ATP8A2: variants seen among roughly 807,000 people sequenced by gnomAD.
ATP8A2 encodes the protein phospholipid-transporting ATPase IB.
Under a neutral mutation model 165.6 loss-of-function variants are expected in ATP8A2, and 100 were observed. The ratio of observed to expected loss-of-function variants is 0.60; its 90% CI spans 0.51 to 0.71. The LOEUF is 0.71. Among genes scored for constraint, ATP8A2 ranks in the 30% least tolerant of loss-of-function variants. ATP8A2 has a pLI of 0.00. For synonymous variants in ATP8A2, 543 were observed against 548.8 expected (o/e 0.99, Z 0.15); for missense variants, 1,227 against 1,479.5 (o/e 0.83, Z 2.80).
intron 35 of ATP8A2, among the ~76,000 whole-genome samples, chr13:25,975,361 C>T (rs1410040284): frequency 6.6e-6 from 1 of 151,976 alleles, no homozygotes; most frequent in East Asian, 1.9e-4. Flanking sequence ...GTCACGAGGT[C>T]AGGAGATGGA....
intron 1 of ATP8A2, among the ~76,000 whole-genome samples, chr13:25,430,331 A>G (rs1177092884): frequency 6.6e-6 from 1 of 152,178 alleles, no homozygotes; most frequent in Non-Finnish European, 1.5e-5. Flanking sequence ...GGCAGGAAGG[A>G]AACAACCACA....
intron 27 of ATP8A2, among the ~76,000 whole-genome samples, chr13:25,800,463 T>C (rs1057184560): frequency 2.6e-5 from 4 of 152,184 alleles, no homozygotes; most frequent in Non-Finnish European, 5.9e-5. Context: ...GGCCCAGATA[T>C]CTAAAATAAG....
Position 25,480,499 on chromosome 13 carries a change from G to A in ATP8A2, c.221+11378G>A, listed in dbSNP as rs1409245575. Among the ~76,000 whole-genome samples the A allele has an allele frequency of 3.2e-3, 467 of 146,174 alleles. 2 individuals are homozygous for A. Among genetic ancestry groups the A allele is most frequent in the African/African-American group, 0.011 (437 of 39,140 alleles). The stretch of plus-strand genomic sequence containing the variant: ...GACGGGGTCGCGGCCGGGCAGAGGC[G>A]CTCCTCACATCCCAGACGGGGCGGC... On this transcript the variant is annotated intron_variant, in intron 2 of 36. Transcript: ENST00000381655.
At chr13:25,737,883 A>G (rs1167285216) in intron 25 of ATP8A2, among the ~76,000 whole-genome samples, 1 of 152,032 alleles carries the variant, frequency 6.6e-6, no homozygotes, top group Non-Finnish European at 1.5e-5. Flanking sequence ...ACGGGGTTTC[A>G]CCGTGTTAGC....
At chr13:25,509,674 C>T (rs2037159060) in intron 2 of ATP8A2, among the ~76,000 whole-genome samples, 1 of 152,038 alleles carries the variant, frequency 6.6e-6, no homozygotes, top group African/African-American at 2.4e-5. Flanking sequence ...AAATTGTATA[C>T]ATGTTGTATA....
chr13:25,908,371 G>A (rs1440610646), intron 33 of ATP8A2, among the ~76,000 whole-genome samples: 1 of 152,170 alleles, frequency 6.6e-6, no homozygotes, highest in Non-Finnish European at 1.5e-5. Flanking sequence ...GGATTACAGA[G>A]GAAATGAGAA....
At chr13:25,727,777 A>T (rs2043527522) in intron 25 of ATP8A2, among the ~76,000 whole-genome samples, 1 of 152,224 alleles carries the variant, frequency 6.6e-6, no homozygotes, top group East Asian at 1.9e-4. Context: ...AGTATGACAA[A>T]GCACTGGGAA....
intron 1 of ATP8A2, among the ~76,000 whole-genome samples, chr13:25,375,110 CAA>C (rs1186135522): frequency 2.0e-5 from 3 of 152,108 alleles, no homozygotes; most frequent in African/African-American, 7.2e-5. Context: ...GATGAAAATC[CAA>C]AGATTTGTGA....
intron 2 of ATP8A2, among the ~76,000 whole-genome samples, chr13:25,513,505 C>G (rs930541819): frequency 1.3e-5 from 2 of 151,450 alleles, no homozygotes; most frequent in Non-Finnish European, 2.9e-5. Flanking sequence ...CTCCTCACGT[C>G]CCAGAAGATG....
chr13:25,374,823 A>C (rs191998846), intron 1 of ATP8A2, among the ~76,000 whole-genome samples: 21 of 152,226 alleles, frequency 1.4e-4, no homozygotes, highest in African/African-American at 5.1e-4. Context: ...ACAATCGTGT[A>C]CTCCCATAAA....
intron 15 of ATP8A2, among the ~76,000 whole-genome samples, chr13:25,562,792 A>G (rs1225171798): frequency 6.6e-6 from 1 of 152,184 alleles, no homozygotes; most frequent in Non-Finnish European, 1.5e-5. Flanking sequence ...TAATTTCTGT[A>G]AAAGATAAGC....
chr13:25,800,458 A>G (rs142265832), intron 27 of ATP8A2, among the ~76,000 whole-genome samples: 6 of 152,338 alleles, frequency 3.9e-5, no homozygotes, highest in African/African-American at 7.2e-5. Flanking sequence ...AATCAGGCCC[A>G]GATATCTAAA....
intron 35 of ATP8A2, among the ~76,000 whole-genome samples, chr13:26,008,377 T>C (rs1399172027): frequency 6.6e-6 from 1 of 152,074 alleles, no homozygotes; most frequent in Admixed American, 6.6e-5. Context: ...AATTAAAACA[T>C]ATTAGAAAAT....
intron 1 of ATP8A2, among the ~76,000 whole-genome samples, chr13:25,441,857 C>A (rs1039058790): frequency 5.3e-5 from 8 of 152,154 alleles, no homozygotes; most frequent in Non-Finnish European, 1.0e-4. Flanking sequence ...ACCTCCAGGA[C>A]TTTTTTCATC....
chr13:25,984,338 T>G (rs1424663903), intron 35 of ATP8A2, among the ~76,000 whole-genome samples: 1 of 152,020 alleles, frequency 6.6e-6, no homozygotes, highest in African/African-American at 2.4e-5. Flanking sequence ...GCCCAGTGGC[T>G]CATGCCTGTA....
chr13:25,757,983 C>T (rs1364749123), intron 25 of ATP8A2, among the ~76,000 whole-genome samples: 1 of 152,140 alleles, frequency 6.6e-6, no homozygotes, highest in Non-Finnish European at 1.5e-5. Context: ...TGACCCCACC[C>T]ATGAAGCCAC....
chr13:25,658,971 T>G (rs780707115), intron 24 of ATP8A2, among the ~76,000 whole-genome samples: 5 of 152,316 alleles, frequency 3.3e-5, no homozygotes, highest in African/African-American at 4.8e-5. Flanking sequence ...ATGATATTAT[T>G]ACACCATTAT....
At chr13:25,971,395 C>T (rs974881450) in intron 35 of ATP8A2, among the ~76,000 whole-genome samples, 10 of 152,076 alleles carry the variant, frequency 6.6e-5, no homozygotes, top group African/African-American at 1.9e-4. Context: ...AGAAGTCTGT[C>T]TTCAGCTCTG....
chr13:25,519,070 A>AATTGG (rs1200360770), intron 2 of ATP8A2, among the ~76,000 whole-genome samples: 1 of 152,084 alleles, frequency 6.6e-6, no homozygotes, highest in East Asian at 1.9e-4. Flanking sequence ...CGTTTGCCCA[A>AATTGG]ATTGGGCTCT....
Sources: allele counts gnomAD v4.1 joint callset (sites outside exome capture counted in the v4.1 genomes callset), GRCh38; gene constraint gnomAD v4.1.1; transcripts MANE v1.5; gene names NCBI Gene and HGNC (gene_info 2026-07-23, HGNC 2026-07-21).